Variants in FOXP1 observed in about 807,000 individuals in gnomAD.
The protein encoded by FOXP1 is forkhead box P1, also known as forkhead box protein P1.
FOXP1 carries 15 observed loss-of-function variants against 98.2 expected under a neutral mutation model. The observed-to-expected ratio is 0.15, with a 90% CI of 0.10 to 0.24. FOXP1 has a LOEUF of 0.24. FOXP1 is among the 10% of genes least tolerant of loss of function. The pLI is 1.00. For missense variants in FOXP1, 633 were observed against 848.5 expected (o/e 0.75, Z 3.15); for synonymous variants, 371 against 314.5 (o/e 1.18, Z -1.90).
intron 5 of FOXP1, among the ~76,000 whole-genome samples, chr3:71,282,734 T>G (rs2071702122): frequency 6.6e-6 from 1 of 152,188 alleles, no homozygotes; most frequent in Non-Finnish European, 1.5e-5. Flanking sequence ...CTATTCTTTG[T>G]ATCATCTTCA....
At chr3:71,529,348 A>C (rs979421121) in intron 2 of FOXP1, among the ~76,000 whole-genome samples, 2 of 152,206 alleles carry the variant, frequency 1.3e-5, no homozygotes, top group African/African-American at 4.8e-5. Context: ...CCTCTTTGGA[A>C]AATTGCATCA....
chr3:70,961,715 C>T (rs1023724826), intron 20 of FOXP1, among the ~76,000 whole-genome samples: 2 of 151,806 alleles, frequency 1.3e-5, no homozygotes, highest in Non-Finnish European at 2.9e-5. Context: ...TGCAAAATGA[C>T]AATCTGGGGT....
At chr3:71,122,770 T>C (rs2058869649) in intron 6 of FOXP1, among the ~76,000 whole-genome samples, 1 of 152,222 alleles carries the variant, frequency 6.6e-6, no homozygotes. Flanking sequence ...AGGTCACAAG[T>C]CTACAGAGTG....
chr3:71,456,237 C>G (rs1007176597), intron 3 of FOXP1, among the ~76,000 whole-genome samples: 10 of 151,922 alleles, frequency 6.6e-5, no homozygotes, highest in African/African-American at 2.4e-4. Flanking sequence ...CACAGGGCAG[C>G]AGGCACAACA....
intron 2 of FOXP1, among the ~76,000 whole-genome samples, chr3:71,545,756 T>C (rs1044084472): frequency 6.6e-6 from 1 of 152,214 alleles, no homozygotes; most frequent in African/African-American, 2.4e-5. Context: ...AAATATGATG[T>C]AAGCCAGCTT....
intron 11 of FOXP1, among the ~76,000 whole-genome samples, chr3:71,018,987 C>A (rs1181114396): frequency 6.6e-6 from 1 of 152,198 alleles, no homozygotes; most frequent in Admixed American, 6.5e-5. Context: ...ATACCACACA[C>A]CCGCTGCATG....
intron 6 of FOXP1, among the ~76,000 whole-genome samples, chr3:71,180,407 A>G (rs996677905): frequency 6.6e-6 from 1 of 152,136 alleles, no homozygotes; most frequent in African/African-American, 2.4e-5. Flanking sequence ...GAACATTGAG[A>G]CATGAAAGTC....
intron 2 of FOXP1, among the ~76,000 whole-genome samples, chr3:71,495,022 G>A (rs952039003): frequency 2.0e-5 from 3 of 152,162 alleles, no homozygotes; most frequent in Non-Finnish European, 4.4e-5. Flanking sequence ...TCCATGGCCT[G>A]AGGGCCCTAC....
At position 71,047,877 on chromosome 3, in the gene FOXP1, T is replaced by G. The variant is rs75158354; in HGVS notation, c.511-782A>C. Among the ~76,000 whole-genome samples the G allele has an allele frequency of 6.1e-3, 930 of 152,314 alleles. 9 individuals carry two copies. Among genetic ancestry groups the G allele is most frequent in the African/African-American group, 0.021 (880 of 41,554 alleles). ...AAATATCTTTTTGTTGATTGGACAA[T>G]GACAGGAGGAAAACTTTTGTTGTGT... On this transcript the variant is annotated intron_variant, in intron 9 of 20. Coordinates refer to ENST00000649528, the MANE Select transcript of FOXP1 (RefSeq NM_001349338.3).
intron 5 of FOXP1, among the ~76,000 whole-genome samples, chr3:71,228,966 T>G (rs1327401532): frequency 5.1e-5 from 2 of 39,252 alleles, no homozygotes; most frequent in Non-Finnish European, 9.1e-5. Context: ...TACTGTTGGT[T>G]GTTTTTTTTT....
intron 17 of FOXP1, among the ~76,000 whole-genome samples, chr3:70,972,898 C>G (rs2036570214): frequency 6.6e-6 from 1 of 152,026 alleles, no homozygotes; most frequent in African/African-American, 2.4e-5. Context: ...CGTCTAGTCT[C>G]TGGTAATAAC....
intron 2 of FOXP1, among the ~76,000 whole-genome samples, chr3:71,507,780 T>C (rs1426511749): frequency 6.6e-5 from 10 of 152,206 alleles, no homozygotes; most frequent in Admixed American, 2.0e-4. Context: ...GGTTTCACCA[T>C]GTTAGCCAGG....
At chr3:71,182,530 GTGTA>G (rs1230555085) in intron 6 of FOXP1, among the ~76,000 whole-genome samples, 9 of 147,600 alleles carry the variant, frequency 6.1e-5, no homozygotes, top group African/African-American at 1.7e-4. Flanking sequence ...GTGTGTGTGT[GTGTA>G]TATATGTATA....
chr3:71,125,216 T>C (rs1483993232), intron 6 of FOXP1, among the ~76,000 whole-genome samples: 1 of 152,222 alleles, frequency 6.6e-6, no homozygotes, highest in Non-Finnish European at 1.5e-5. Flanking sequence ...TAACTAACAC[T>C]GAATCCCAAC....
intron 7 of FOXP1, among the ~76,000 whole-genome samples, chr3:71,111,112 G>C (rs537467339): frequency 6.6e-6 from 1 of 152,352 alleles, no homozygotes; most frequent in South Asian, 2.1e-4. Flanking sequence ...TCTGGGAACA[G>C]GCTGTGGTTC....
Position 71,431,943 on chromosome 3 carries a change from C to T in FOXP1, c.-168+61483G>A, listed in dbSNP as rs1019340849. Among the ~76,000 whole-genome samples, 10 of 152,198 alleles carry T rather than the reference C, an allele frequency of 6.6e-5. No homozygotes were observed. In the East Asian group the frequency reaches 1.3e-3, roughly 20 times the overall value. On this transcript the variant is annotated intron_variant, in intron 3 of 20. Transcript: ENST00000649528. Reference sequence around the variant, plus strand: ...ACCATCATATGTGCAATTCCTGTTGCCGTGTTGCCCCTGGGTGTCATTCTG... The same window carrying T: ...ACCATCATATGTGCAATTCCTGTTGTCGTGTTGCCCCTGGGTGTCATTCTG...
At chr3:71,125,151 T>C (rs1245142773) in intron 6 of FOXP1, among the ~76,000 whole-genome samples, 1 of 152,146 alleles carries the variant, frequency 6.6e-6, no homozygotes. Context: ...AGGCCAAATA[T>C]TGAGCTAGGG....
chr3:71,069,956 T>C (rs762409350), intron 7 of FOXP1, among the ~76,000 whole-genome samples: 1 of 152,074 alleles, frequency 6.6e-6, no homozygotes, highest in Non-Finnish European at 1.5e-5. Context: ...CTCAGAACAA[T>C]GCTCACACAT....
intron 6 of FOXP1, among the ~76,000 whole-genome samples, chr3:71,132,333 T>C (rs2059613932): frequency 6.6e-6 from 1 of 152,202 alleles, no homozygotes; most frequent in African/African-American, 2.4e-5. Context: ...AATAGATGTG[T>C]TCTGTCCTAC....
Sources: gnomAD v4.1 joint callset for allele counts (sites outside exome capture counted in the v4.1 genomes callset) on GRCh38, gnomAD v4.1.1 for gene constraint, MANE v1.5 for transcripts, NCBI Gene and HGNC (gene_info 2026-07-23, HGNC 2026-07-21) for gene names.